PATZ1: variants seen among roughly 807,000 people sequenced by gnomAD.
PATZ1 encodes the protein POZ/BTB and AT hook containing zinc finger 1, also known as POZ-, AT hook-, and zinc finger-containing protein 1.
Under a neutral mutation model 46.2 loss-of-function variants are expected in PATZ1, and 9 were observed. The observed-to-expected ratio is 0.19, with a 90% confidence interval of 0.12 to 0.34. PATZ1 has a LOEUF of 0.34. PATZ1 is among the 10% of genes least tolerant of loss of function. PATZ1 has a pLI of 1.00. For synonymous variants in PATZ1, 426 were observed against 378.6 expected, an observed-to-expected ratio of 1.13 and a Z score of -1.45; for missense variants, 632 against 923.0, an observed-to-expected ratio of 0.68 and a Z score of 4.08.
At chr22:31,343,164 G>C (rs1049286605) in intron 1 of PATZ1, 1 of 1,310,640 alleles carries the variant, frequency 7.6e-7, no homozygotes, top group South Asian at 1.9e-5. Flanking sequence ...TTCTCTGGAG[G>C]GGGGAAGAGA....
In PATZ1 at chr22:31,344,839, G is replaced by A. The variant is rs760674853; in HGVS notation, c.764C>T (p.Ala255Val). ...GCCAGTCAGGGGAGGGGCACTGGAT[G>A]CCACACTGGGGAATGGGGAAGTCAG... ...QLLTSPFPSVASSAPPLTGKR... is the reference protein window; with the variant it reads ...QLLTSPFPSVVSSAPPLTGKR... Residue 255 changes from alanine to valine, a missense_variant, in exon 1 of 5, where the codon GCA becomes GTA. Transcript: ENST00000266269. 6 of 1,612,478 alleles carry A rather than the reference G, an allele frequency of 3.7e-6. No individual in the cohort carries two copies. Among genetic ancestry groups the A allele is most frequent in the African/African-American group, 2.7e-5 (2 of 75,070 alleles).
chr22:31,329,548 T>C (rs1484041111), intron 3 of PATZ1, among the ~76,000 whole-genome samples: 1 of 152,104 alleles, frequency 6.6e-6, no homozygotes, highest in African/African-American at 2.4e-5. Flanking sequence ...AAGACAAAAA[T>C]AGGAAGTTGT....
chr22:31,326,583 C>T lies in PATZ1; in HGVS notation c.*308G>A, dbSNP rs917334649. 4.5e-5 allele frequency: 15 copies of T among 336,098 alleles called. No individual in the cohort carries two copies. The highest frequency in any genetic ancestry group is 7.1e-5 in the Non-Finnish European group (13 of 183,340). The allele number at this position is 336,098 out of a possible 1,614,324, so 20.8% of individuals were successfully genotyped here. Reference sequence around the variant, plus strand: ...GATTGGGGTCACTAAGAATTGAGCACCAGGAATTCCAGCTTCTTCCCATTA... The same window carrying T: ...GATTGGGGTCACTAAGAATTGAGCATCAGGAATTCCAGCTTCTTCCCATTA... On this transcript the variant is annotated 3_prime_UTR_variant, in exon 5 of 5. Coordinates refer to ENST00000266269, the MANE Select transcript of PATZ1 (RefSeq NM_014323.3).
chr22:31,335,481 TG>T, intron 3 of PATZ1: 1 of 541,374 alleles, frequency 1.8e-6, no homozygotes, highest in Non-Finnish European at 3.3e-6. Flanking sequence ...GCTGGTCTCC[TG>T]GGACTTCCCA....
chr22:31,342,532 T>G (rs1260286613), intron 2 of PATZ1, among the ~76,000 whole-genome samples: 2 of 152,008 alleles, frequency 1.3e-5, no homozygotes, highest in Non-Finnish European at 2.9e-5. Context: ...TACAAACTGC[T>G]GGAAACCAAC....
At chr22:31,331,735 G>A (rs775980892) in intron 3 of PATZ1, among the ~76,000 whole-genome samples, 1 of 152,162 alleles carries the variant, frequency 6.6e-6, no homozygotes, top group Non-Finnish European at 1.5e-5. Context: ...CAATCAAAAG[G>A]GGACAGAAAG....
intron 3 of PATZ1, among the ~76,000 whole-genome samples, chr22:31,334,589 A>C (rs979283308): frequency 1.3e-5 from 2 of 152,196 alleles, no homozygotes; most frequent in Non-Finnish European, 2.9e-5. Flanking sequence ...ACATTGTTAC[A>C]AAGTGCAAGG....
At position 31,327,083 on chromosome 22, in the gene PATZ1, G is replaced by C; in HGVS notation, c.1872C>G (p.Ile624Met). Residue 624 changes from isoleucine (I) to methionine (M), a missense_variant, in exon 5 of 5, where the codon ATC (isoleucine) becomes ATG (methionine). By Grantham distance (10) the Ile-to-Met change is conservative (BLOSUM62 1). Transcript: ENST00000266269. The surrounding 1 kb of genome is among the most constrained non-coding windows in gnomAD (Gnocchi z 4.2). ...FRSKSYLNKH[I>M]QKVHVRALGG... ...CGAGAGCCCGGACATGCACCTTCTG[G>C]ATGTGTTTGTTCAAGTAGGACTTAG... The C allele has an allele frequency of 6.2e-7, 1 of 1,614,102 alleles. No individual in the cohort carries two copies. Among genetic ancestry groups the C allele is most frequent in the Non-Finnish European group, 8.5e-7 (1 of 1,179,996 alleles).
intron 1 of PATZ1, among the ~76,000 whole-genome samples, chr22:31,343,842 G>C (rs901199802): frequency 4.6e-5 from 7 of 152,214 alleles, no homozygotes; most frequent in Non-Finnish European, 1.0e-4. Context: ...GGTGGTGTGA[G>C]AGGCACAGCT....
intron 2 of PATZ1, chr22:31,340,833 T>C: frequency 8.5e-6 from 9 of 1,060,300 alleles, no homozygotes; most frequent in Non-Finnish European, 1.0e-5. Flanking sequence ...AAGCTACTCA[T>C]TAGTTTGGTT....
At chr22:31,341,401 C>T (rs2049578782) in intron 2 of PATZ1, 2 of 1,536,898 alleles carry the variant, frequency 1.3e-6, no homozygotes, top group East Asian at 2.3e-5. Flanking sequence ...CAGGGAGGCC[C>T]AGGCTAGCCA....
chr22:31,331,261 G>A (rs564996009), intron 3 of PATZ1, among the ~76,000 whole-genome samples: 1 of 152,216 alleles, frequency 6.6e-6, no homozygotes, highest in African/African-American at 2.4e-5. Flanking sequence ...GCAGAACCAG[G>A]AGACATTGGC....
chr22:31,344,617 G>T lies in PATZ1; in HGVS notation c.986C>A (p.Pro329Gln). 6.2e-7 allele frequency: 1 copy of T among 1,614,098 alleles called. No homozygotes were observed. The highest frequency in any genetic ancestry group is 1.3e-5 in the African/African-American group (1 of 75,080). The change falls in exon 1 of 5, where the codon CCG becomes CAG. Residue 329 changes from proline (P) to glutamine (Q), a missense_variant. Coordinates refer to ENST00000266269, the MANE Select transcript of PATZ1 (RefSeq NM_014323.3). ...GGGTAGCCCATTCTCACCCAGCCTC[G>T]GAGGAGGAAGGTCGATGTAGCCCAG... is the stretch of plus-strand genomic sequence containing the variant. ...LQLGYIDLPPPRLGENGLPIS... is the reference protein window; with the variant it reads ...LQLGYIDLPPQRLGENGLPIS...
intron 1 of PATZ1, 198 bp from the exon 2 acceptor site, chr22:31,343,158 C>T: frequency 7.6e-7 from 1 of 1,318,880 alleles, no homozygotes; most frequent in Non-Finnish European, 9.7e-7. Flanking sequence ...CTGGTTTTCT[C>T]TGGAGGGGGG....
chr22:31,335,700 C>T lies in PATZ1; in HGVS notation c.1499G>A (p.Cys500Tyr). 3 of 1,613,908 alleles carry T rather than the reference C, an allele frequency of 1.9e-6. No individual in the cohort carries two copies. Among genetic ancestry groups the T allele is most frequent in the Non-Finnish European group, 2.5e-6 (3 of 1,179,846 alleles). ...AACAGTGGGCAGATTACCTCGGTTA[C>T]AGATACTGCAGAAGTTGCTGGGCCC... ...SEGPSNFCSI[C>Y]NRGFSSASYL... The change falls in exon 3 of 5, where the codon TGT (cysteine) becomes TAT (tyrosine). Residue 500 changes from cysteine (C) to tyrosine (Y), a missense_variant. By Grantham distance (194) the Cys-to-Tyr change is radical (BLOSUM62 -2). Around this residue, in one of 7 missense-constraint regions of PATZ1, gnomAD observed 176 missense variants for 249.4 expected, o/e 0.71. Transcript: ENST00000266269.
intron 2 of PATZ1, among the ~76,000 whole-genome samples, chr22:31,339,814 G>T (rs2049557611): frequency 2.0e-5 from 3 of 152,158 alleles, no homozygotes; most frequent in Non-Finnish European, 4.4e-5. Flanking sequence ...TCTTCCTAAG[G>T]ATTGAGCAGC....
In PATZ1 at chr22:31,344,466, C is replaced by T. The variant is rs1314485702; in HGVS notation, c.1137G>A (p.Gly379=). 1.2e-6 allele frequency: 2 copies of T among 1,614,192 alleles called. No homozygotes were observed. The highest frequency in any genetic ancestry group is 1.7e-6 in the Non-Finnish European group (2 of 1,180,038). ...HLNRHKLSHS[G]EKPYSCPVCG... ...ACACAGGGCAGGAGTAGGGCTTCTCCCCAGAGTGGGACAGCTTGTGCCGGT... is the reference window on the plus strand; with the variant it reads ...ACACAGGGCAGGAGTAGGGCTTCTCTCCAGAGTGGGACAGCTTGTGCCGGT... Residue 379 remains glycine, a synonymous_variant, in exon 1 of 5, where the codon GGG becomes GGA. Transcript: ENST00000266269.
intron 3 of PATZ1, among the ~76,000 whole-genome samples, chr22:31,330,845 A>G (rs1416398914): frequency 6.6e-6 from 1 of 152,148 alleles, no homozygotes; most frequent in Admixed American, 6.6e-5. Context: ...ATTTACACTC[A>G]TGTATTTTTC....
At chr22:31,333,652 C>T (rs989229321) in intron 3 of PATZ1, among the ~76,000 whole-genome samples, 7 of 152,134 alleles carry the variant, frequency 4.6e-5, no homozygotes, top group African/African-American at 7.2e-5. Context: ...AGGGACTTCC[C>T]GCTCTGGCTC....
Sources: gnomAD v4.1 joint callset for allele counts (sites outside exome capture counted in the v4.1 genomes callset) on GRCh38, gnomAD v4.1.1 for gene constraint, gnomAD v4.1.1 regional missense constraint, Gnocchi (gnomAD v3.1) non-coding constraint, MANE v1.5 for transcripts, NCBI Gene and HGNC (gene_info 2026-07-23, HGNC 2026-07-21) for gene names.